Variants in SLIT2 observed in about 807,000 individuals in gnomAD.
SLIT2 encodes slit guidance ligand 2, also known as slit homolog 2 protein.
A neutral mutation model predicts 185.7 loss-of-function variants in SLIT2; 41 were observed. The observed-to-expected ratio is 0.22, with a 90% CI of 0.17 to 0.29. The LOEUF (loss-of-function observed/expected upper bound fraction) is 0.29. SLIT2 is among the 10% of genes least tolerant of loss of function. SLIT2 has a pLI of 1.00. For synonymous variants in SLIT2, 693 were observed against 680.2 expected (o/e 1.02, Z -0.29); for missense variants, 1,571 against 1,909.0 (o/e 0.82, Z 3.30).
At chr4:20,298,900 G>A (rs539820805) in intron 4 of SLIT2, among the ~76,000 whole-genome samples, 14 of 152,234 alleles carry the variant, frequency 9.2e-5, no homozygotes, top group African/African-American at 2.9e-4. Context: ...TATCAGAGAG[G>A]TTGATAGTAA....
chr4:20,380,501 A>T (rs1724408968), intron 4 of SLIT2, among the ~76,000 whole-genome samples: 1 of 152,174 alleles, frequency 6.6e-6, no homozygotes, highest in South Asian at 2.1e-4. Context: ...AGAGACAAAG[A>T]TGATAATTAG....
intron 5 of SLIT2, among the ~76,000 whole-genome samples, chr4:20,474,324 T>A (rs1426589523): frequency 6.6e-6 from 1 of 152,010 alleles, no homozygotes; most frequent in Non-Finnish European, 1.5e-5. Flanking sequence ...CTGTCCATGG[T>A]TCTGTATTTT....
At chr4:20,441,958 A>C (rs116741383) in intron 4 of SLIT2, among the ~76,000 whole-genome samples, 2,078 of 152,316 alleles carry the variant, frequency 0.014, 48 homozygotes, top group African/African-American at 0.047. Context: ...AAGTAATTTT[A>C]ATAAAACAAG....
At chr4:20,308,980 T>C (rs1484251275) in intron 4 of SLIT2, among the ~76,000 whole-genome samples, 1 of 152,132 alleles carries the variant, frequency 6.6e-6, no homozygotes, top group Non-Finnish European at 1.5e-5. Context: ...GTTTCGAGAA[T>C]AAGTTTAATT....
At chr4:20,507,156 C>T (rs901151974) in intron 9 of SLIT2, among the ~76,000 whole-genome samples, 1 of 151,844 alleles carries the variant, frequency 6.6e-6, no homozygotes, top group African/African-American at 2.4e-5. Flanking sequence ...AATATAATGC[C>T]ATTTTATCAT....
At chr4:20,563,244 C>T (rs1724835435) in intron 26 of SLIT2, among the ~76,000 whole-genome samples, 1 of 151,816 alleles carries the variant, frequency 6.6e-6, no homozygotes, top group South Asian at 2.1e-4. Context: ...ATCCAGTTCA[C>T]CTCGACTGTT....
chr4:20,583,267 C>A (rs1455356976), intron 29 of SLIT2, among the ~76,000 whole-genome samples: 1 of 151,976 alleles, frequency 6.6e-6, no homozygotes, highest in Non-Finnish European at 1.5e-5. Context: ...GGTAGAGGTC[C>A]CCATTCATAG....
intron 4 of SLIT2, among the ~76,000 whole-genome samples, chr4:20,429,203 C>T (rs1304022261): frequency 6.6e-6 from 1 of 152,012 alleles, no homozygotes; most frequent in African/African-American, 2.4e-5. Flanking sequence ...CATTAAAAGA[C>T]TTGTTCTCGG....
intron 4 of SLIT2, among the ~76,000 whole-genome samples, chr4:20,269,746 C>G (rs2109030040): frequency 6.6e-6 from 1 of 152,040 alleles, no homozygotes; most frequent in East Asian, 1.9e-4. Context: ...CCATATGGTA[C>G]TGTTTGTAGA....
intron 4 of SLIT2, among the ~76,000 whole-genome samples, chr4:20,410,427 T>C (rs1187129061): frequency 6.6e-6 from 1 of 150,890 alleles, no homozygotes; most frequent in Non-Finnish European, 1.5e-5. Context: ...TTTTTTTTTT[T>C]GTATTGTTAG....
chr4:20,375,892 C>T (rs981098563), intron 4 of SLIT2, among the ~76,000 whole-genome samples: 1 of 151,876 alleles, frequency 6.6e-6, no homozygotes, highest in Admixed American at 6.6e-5. Flanking sequence ...GCATCAGGAT[C>T]CCTTTATATT....
At chr4:20,338,794 A>T (rs1720720959) in intron 4 of SLIT2, among the ~76,000 whole-genome samples, 3 of 152,114 alleles carry the variant, frequency 2.0e-5, no homozygotes, top group South Asian at 2.1e-4. Flanking sequence ...TTAATTAATA[A>T]ATCATTACTG....
intron 15 of SLIT2, among the ~76,000 whole-genome samples, chr4:20,527,058 T>G (rs1306492103): frequency 2.6e-5 from 4 of 152,198 alleles, no homozygotes; most frequent in Non-Finnish European, 5.9e-5. Flanking sequence ...ATCGCAAACT[T>G]CTTATGAGAT....
intron 4 of SLIT2, among the ~76,000 whole-genome samples, chr4:20,342,669 ATATCT>A (rs886511373): frequency 7.5e-5 from 11 of 146,898 alleles, no homozygotes; most frequent in Non-Finnish European, 6.0e-5. Context: ...CTTAAAATAG[ATATCT>A]TATAGTTATT....
At chr4:20,365,294 C>G (rs923030186) in intron 4 of SLIT2, among the ~76,000 whole-genome samples, 2 of 152,090 alleles carry the variant, frequency 1.3e-5, no homozygotes, top group Admixed American at 6.5e-5. Flanking sequence ...AAGAAAAAGT[C>G]CACAGGGAGG....
chr4:20,344,590 C>G (rs1465003475), intron 4 of SLIT2, among the ~76,000 whole-genome samples: 1 of 152,164 alleles, frequency 6.6e-6, no homozygotes, highest in African/African-American at 2.4e-5. Flanking sequence ...AATATTTTCT[C>G]TTTCCTTTCC....
At chr4:20,309,884 C>A (rs964598270) in intron 4 of SLIT2, among the ~76,000 whole-genome samples, 1 of 151,484 alleles carries the variant, frequency 6.6e-6, no homozygotes, top group Admixed American at 6.6e-5. Context: ...CTCAGCCTCC[C>A]GAGTAGCTGG....
intron 4 of SLIT2, among the ~76,000 whole-genome samples, chr4:20,361,907 T>A (rs897530501): frequency 6.6e-6 from 1 of 152,022 alleles, no homozygotes; most frequent in Admixed American, 6.6e-5. Context: ...ATGTCCTAAA[T>A]TTTTTTTAAC....
chr4:20,273,932 G>A (rs986152115), intron 4 of SLIT2, among the ~76,000 whole-genome samples: 13 of 152,308 alleles, frequency 8.5e-5, no homozygotes, highest in African/African-American at 2.9e-4. Context: ...GACTGTGATT[G>A]TGCAGGAATT....
Sources: allele counts gnomAD v4.1 joint callset (sites outside exome capture counted in the v4.1 genomes callset), GRCh38; gene constraint gnomAD v4.1.1; transcripts MANE v1.5; gene names NCBI Gene and HGNC (gene_info 2026-07-23, HGNC 2026-07-21).